GALNT9: variants seen among roughly 807,000 people sequenced by gnomAD.
The protein encoded by GALNT9 is polypeptide N-acetylgalactosaminyltransferase 9.
GALNT9 carries 47 observed loss-of-function variants against 63.1 expected under a neutral mutation model. That is an observed-to-expected ratio of 0.75 (90% CI 0.59 to 0.95). The LOEUF is 0.95. Among genes scored for constraint, GALNT9 ranks in the 40% least tolerant of loss-of-function variants. GALNT9 has a pLI of 0.00. For synonymous variants in GALNT9, 396 were observed against 365.7 expected, an observed-to-expected ratio of 1.08 and a Z score of -0.94; for missense variants, 829 against 874.8, an observed-to-expected ratio of 0.95 and a Z score of 0.66.
Position 132,319,727 on chromosome 12 carries a change from G to A in GALNT9, c.238+9239C>T, listed in dbSNP as rs1398960840. 2.0e-5 allele frequency among the ~76,000 whole-genome samples: 3 copies of A among 152,136 alleles called. No individual in the cohort carries two copies. Among genetic ancestry groups the A allele is most frequent in the Non-Finnish European group, 4.4e-5 (3 of 68,020 alleles). On this transcript the variant is annotated intron_variant, in intron 1 of 10. Coordinates refer to ENST00000328957, the MANE Select transcript of GALNT9 (RefSeq NM_001122636.2). This position sits in a 1 kb window ranked among gnomAD's most constrained non-coding sequence, Gnocchi z 5.2. ...CACAGCTGTACCCGGCACAACACGC[G>A]GCCACAGGTCACCTCAGGTCGCCTC...
chr12:132,325,562 A>G (rs1167613255), intron 1 of GALNT9, among the ~76,000 whole-genome samples: 2 of 152,216 alleles, frequency 1.3e-5, no homozygotes, highest in African/African-American at 2.4e-5. Context: ...GGCTGGCCAC[A>G]GTGGGGCCTT....
chr12:132,299,554 G>C (rs1460221943), intron 1 of GALNT9, among the ~76,000 whole-genome samples: 2 of 124,722 alleles, frequency 1.6e-5, no homozygotes, highest in Admixed American at 1.6e-4. Flanking sequence ...AGATAACTAA[G>C]CCACTGCTGA....
intron 6 of GALNT9, among the ~76,000 whole-genome samples, chr12:132,216,678 G>A (rs1414726934): frequency 1.3e-5 from 2 of 152,222 alleles, no homozygotes; most frequent in Non-Finnish European, 2.9e-5. Context: ...AGCATCTGGG[G>A]GGATGAGCAG....
intron 6 of GALNT9, among the ~76,000 whole-genome samples, chr12:132,228,337 GC>G (rs1338684508): frequency 1.3e-5 from 2 of 148,476 alleles, no homozygotes; most frequent in Non-Finnish European, 3.0e-5. Context: ...TGGCGGGGCG[GC>G]CCGTCAGCAC....
chr12:132,218,844 A>G (rs943293909), intron 6 of GALNT9, among the ~76,000 whole-genome samples: 2 of 152,132 alleles, frequency 1.3e-5, no homozygotes, highest in Non-Finnish European at 2.9e-5. Flanking sequence ...CCTCCCACTC[A>G]CCTCACCAAA....
chr12:132,261,056 C>T lies in GALNT9; in HGVS notation c.653G>A (p.Arg218His), dbSNP rs782693380. ...KRYPGLVKIV[R>H]NSRREGLIRA... is the part of the protein sequence containing the mutation. ...GATCAGTCCTTCCCGCCGGCTGTTG[C>T]GGACAATCTTCACGAGGCCTGGGTA... The change falls in exon 4 of 11, where the codon CGC (arginine) becomes CAC (histidine). Residue 218 changes from arginine (R) to histidine (H), a missense_variant. Arg to His is a conservative substitution (Grantham distance 29). Coordinates refer to ENST00000328957, the MANE Select transcript of GALNT9 (RefSeq NM_001122636.2). 5.8e-5 allele frequency: 90 copies of T among 1,551,346 alleles called. No homozygotes were observed. The highest frequency in any genetic ancestry group is 6.8e-5 in the Non-Finnish European group (78 of 1,146,954).
rs913361379 is a variant in GALNT9, at chr12:132,282,460, T to C, written c.419+3790A>G. Among the ~76,000 whole-genome samples, 1 of 152,222 alleles carries C rather than the reference T, an allele frequency of 6.6e-6. No homozygotes were observed. Among genetic ancestry groups the C allele is most frequent in the African/African-American group, 2.4e-5 (1 of 41,458 alleles). On this transcript the variant is annotated intron_variant, in intron 2 of 10. Transcript: ENST00000328957. This position sits in a 1 kb window ranked among gnomAD's most constrained non-coding sequence, Gnocchi z 4.5. The stretch of plus-strand genomic sequence containing the variant: ...ATGCGTGTGTGTGCGTGTGCATGTG[T>C]GTGTGCACGCATGTGGTAATTTATT...
At chr12:132,240,982 G>T (rs113814104) in intron 6 of GALNT9, among the ~76,000 whole-genome samples, 3 of 48,988 alleles carry the variant, frequency 6.1e-5, no homozygotes, top group African/African-American at 2.9e-4. Context: ...TTACACACAC[G>T]CCACACCCCC....
intron 2 of GALNT9, among the ~76,000 whole-genome samples, chr12:132,267,914 T>G (rs1879698415): frequency 8.3e-6 from 1 of 120,786 alleles, no homozygotes. Context: ...CAAATCCACA[T>G]GCACTCACAC....
chr12:132,237,779 G>A (rs1456176000), intron 6 of GALNT9, among the ~76,000 whole-genome samples: 1 of 152,218 alleles, frequency 6.6e-6, no homozygotes, highest in Non-Finnish European at 1.5e-5. Context: ...GCCTCACCAC[G>A]TGGCATGGAA....
intron 1 of GALNT9, among the ~76,000 whole-genome samples, chr12:132,294,288 C>T (rs1160773222): frequency 6.6e-6 from 1 of 152,202 alleles, no homozygotes; most frequent in African/African-American, 2.4e-5. Flanking sequence ...TCCCCCACAG[C>T]CCCCAGCCTG....
chr12:132,203,344 TCACACCTGCA>T (rs1876335062), intron 7 of GALNT9, among the ~76,000 whole-genome samples, 151 bp downstream of exon 7: 1 of 151,492 alleles, frequency 6.6e-6, no homozygotes, highest in African/African-American at 2.4e-5. Flanking sequence ...GCTCACCCAC[TCACACCTGCA>T]CACACAACTG....
At chr12:132,214,904 T>C (rs1361004672) in intron 6 of GALNT9, among the ~76,000 whole-genome samples, 1 of 152,234 alleles carries the variant, frequency 6.6e-6, no homozygotes, top group East Asian at 1.9e-4. Context: ...GAGCAGGGGA[T>C]GCACACCCGT....
chr12:132,213,219 G>A (rs1252322776), intron 6 of GALNT9, among the ~76,000 whole-genome samples: 1 of 45,136 alleles, frequency 2.2e-5, no homozygotes, highest in Admixed American at 2.0e-4. Flanking sequence ...AACCCCACCC[G>A]GTTCTGCAGC....
chr12:132,275,664 T>C (rs1332171236), intron 2 of GALNT9: 2 of 152,268 alleles, frequency 1.3e-5, no homozygotes, highest in Non-Finnish European at 2.9e-5. Flanking sequence ...GTTGAAGGAG[T>C]CCTGGTCCAG....
chr12:132,200,955 G>A (rs1299724655), intron 8 of GALNT9, 169 bp downstream of exon 8: 2 of 628,890 alleles, frequency 3.2e-6, no homozygotes, highest in African/African-American at 3.7e-5. Context: ...GCACACGTGT[G>A]TGCAGGAGTC....
intron 1 of GALNT9, among the ~76,000 whole-genome samples, chr12:132,306,609 C>T (rs367827573): frequency 1.4e-4 from 21 of 152,328 alleles, no homozygotes; most frequent in East Asian, 9.7e-4. Flanking sequence ...GCATTGCTGA[C>T]GGAGTGCCAT....
At chr12:132,227,890 C>G (rs1258073306) in intron 6 of GALNT9, among the ~76,000 whole-genome samples, 1 of 152,132 alleles carries the variant, frequency 6.6e-6, no homozygotes, top group African/African-American at 2.4e-5. Context: ...ACAGAGACCT[C>G]CCCGTCCCCA....
chr12:132,302,631 C>T (rs1434616747), intron 1 of GALNT9, among the ~76,000 whole-genome samples: 2 of 152,220 alleles, frequency 1.3e-5, no homozygotes, highest in Non-Finnish European at 2.9e-5. Context: ...AGCTCATGCC[C>T]CATCATGCCC....
Sources: allele counts gnomAD v4.1 joint callset (sites outside exome capture counted in the v4.1 genomes callset), GRCh38; gene constraint gnomAD v4.1.1; non-coding constraint Gnocchi (gnomAD v3.1); transcripts MANE v1.5; gene names NCBI Gene and HGNC (gene_info 2026-07-23, HGNC 2026-07-21).